BCAS3: variants seen among roughly 807,000 people sequenced by gnomAD.
BCAS3 encodes BCAS3 microtubule associated cell migration factor.
Under a neutral mutation model 116.1 loss-of-function variants are expected in BCAS3, and 53 were observed. The observed-to-expected ratio is 0.46, with a 90% CI of 0.37 to 0.57. The LOEUF is 0.57. Among genes scored for constraint, BCAS3 ranks in the 20% least tolerant of loss-of-function variants. The probability of loss-of-function intolerance (pLI) is 0.00; values close to 1 mark genes in which losing one functional copy is unlikely to be tolerated. For missense variants in BCAS3, 917 were observed against 1,165.4 expected (o/e 0.79, Z 3.10); for synonymous variants, 391 against 408.2 (o/e 0.96, Z 0.51).
chr17:61,382,175 A>C (rs1027536731), intron 23 of BCAS3, among the ~76,000 whole-genome samples: 8 of 151,734 alleles, frequency 5.3e-5, no homozygotes, highest in African/African-American at 2.4e-5. Context: ...TAAAAATACA[A>C]AAATTAGCCA....
intron 7 of BCAS3, among the ~76,000 whole-genome samples, chr17:60,834,911 T>C (rs997510226): frequency 5.9e-5 from 9 of 152,016 alleles, no homozygotes; most frequent in Non-Finnish European, 1.3e-4. Context: ...TATATTCTTT[T>C]AGTTTTCAAA....
At chr17:60,870,797 A>G (rs929978122) in intron 8 of BCAS3, among the ~76,000 whole-genome samples, 7 of 152,216 alleles carry the variant, frequency 4.6e-5, no homozygotes, top group Non-Finnish European at 1.0e-4. Flanking sequence ...ATATTGATAC[A>G]GAAAAAACTC....
chr17:60,970,908 A>T (rs1395979641), intron 14 of BCAS3, among the ~76,000 whole-genome samples: 1 of 152,222 alleles, frequency 6.6e-6, no homozygotes, highest in African/African-American at 2.4e-5. Context: ...CAAACCCAAC[A>T]ACTGCAGAAT....
At chr17:60,744,956 C>G (rs1286286398) in intron 5 of BCAS3, among the ~76,000 whole-genome samples, 2 of 151,976 alleles carry the variant, frequency 1.3e-5, no homozygotes. Context: ...AGAATAAGCT[C>G]TTGTGTATTA....
intron 22 of BCAS3, among the ~76,000 whole-genome samples, chr17:61,291,765 T>G (rs1449175619): frequency 6.6e-6 from 1 of 152,166 alleles, no homozygotes; most frequent in East Asian, 1.9e-4. Flanking sequence ...GAAATGGATT[T>G]GGAGTTCAGG....
At chr17:60,977,514 T>C (rs2062485797) in intron 14 of BCAS3, among the ~76,000 whole-genome samples, 1 of 151,126 alleles carries the variant, frequency 6.6e-6, no homozygotes, top group Non-Finnish European at 1.5e-5. Context: ...TTATTATTAT[T>C]ATTATACTTT....
chr17:61,230,959 CTTTTTTT>C (rs763299746), intron 22 of BCAS3, among the ~76,000 whole-genome samples: 38 of 121,846 alleles, frequency 3.1e-4, no homozygotes, highest in South Asian at 7.9e-4. Flanking sequence ...TAGTTTTTGC[CTTTTTTT>C]TTTTTTTTTT....
rs1433495395 is a variant in BCAS3, at chr17:61,065,972, A to G, written c.2030-8948A>G. ...ATTTCTATTTCTATATATTCAGCCT[A>G]TTATCATATTTTAAGTTTCCAACAA... is the stretch of plus-strand genomic sequence containing the variant. On this transcript the variant is annotated intron_variant, in intron 19 of 23. Coordinates refer to ENST00000407086, the MANE Select transcript of BCAS3 (RefSeq NM_017679.5). This position sits in a 1 kb window ranked among gnomAD's most constrained non-coding sequence, Gnocchi z 4.8. 6.6e-6 allele frequency among the ~76,000 whole-genome samples: 1 copy of G among 152,226 alleles called. No homozygotes were observed. The highest frequency in any genetic ancestry group is 6.5e-5 in the Admixed American group (1 of 15,288).
intron 18 of BCAS3, among the ~76,000 whole-genome samples, chr17:61,038,442 A>G (rs1223151165): frequency 6.6e-6 from 1 of 151,508 alleles, no homozygotes; most frequent in East Asian, 1.9e-4. Flanking sequence ...TTTATTAGAG[A>G]CGGAGTTTCA....
At chr17:60,784,703 CTG>C (rs550306714) in intron 6 of BCAS3, among the ~76,000 whole-genome samples, 87 of 152,168 alleles carry the variant, frequency 5.7e-4, no homozygotes, top group Non-Finnish European at 1.1e-3. Flanking sequence ...TTTCAAGTAA[CTG>C]GGATTACAGA....
Position 60,902,735 on chromosome 17 carries a change from G to C in BCAS3, c.822+32G>C, listed in dbSNP as rs370649392. 3.4e-6 allele frequency: 5 copies of C among 1,450,254 alleles called. No homozygotes were observed. In the African/African-American group the frequency reaches 7.0e-5, roughly 20 times the overall value. 89.8% of individuals were successfully genotyped at this position (1,450,254 alleles called of 1,614,324 possible). A position where few individuals can be genotyped will look rare whatever the true frequency, so the allele number is the denominator to read the frequency against. On this transcript the variant is annotated intron_variant, in intron 11 of 23. Coordinates refer to ENST00000407086, the MANE Select transcript of BCAS3 (RefSeq NM_017679.5). ...ACCTCCGAAATCTTGGAGAGTTGTGGTTATGTGTAGTAATTGTTCAGATTT... is the reference window on the plus strand; with the variant it reads ...ACCTCCGAAATCTTGGAGAGTTGTGCTTATGTGTAGTAATTGTTCAGATTT...
At chr17:60,705,206 G>T (rs192834511) in intron 4 of BCAS3, among the ~76,000 whole-genome samples, 2 of 152,086 alleles carry the variant, frequency 1.3e-5, no homozygotes, top group African/African-American at 2.4e-5. Context: ...CAGGATTTAC[G>T]ATAGATACCA....
At chr17:61,002,738 T>A (rs2064336762) in intron 15 of BCAS3, 1 of 152,084 alleles carries the variant, frequency 6.6e-6, no homozygotes, top group African/African-American at 2.4e-5. Context: ...GTATGTGGGG[T>A]CATTATGCTA....
At chr17:61,277,388 A>G (rs185067589) in intron 22 of BCAS3, among the ~76,000 whole-genome samples, 260 of 152,228 alleles carry the variant, frequency 1.7e-3, no homozygotes, top group Middle Eastern at 0.01. Flanking sequence ...TGAAGCTATA[A>G]AACTCTTAGA....
chr17:61,319,556 A>G lies in BCAS3; in HGVS notation c.2426-48771A>G, dbSNP rs528662093. Among the ~76,000 whole-genome samples the G allele has an allele frequency of 6.4e-4, 97 of 150,796 alleles. 2 individuals are homozygous for G. Among genetic ancestry groups the G allele is most frequent in the Non-Finnish European group, 5.3e-4 (36 of 67,812 alleles). ...TTTTTATACATTTGCTTGATATGCT[A>G]TAGAGGCTTTTTTTTTTTCAATATA... is the stretch of plus-strand genomic sequence containing the variant. On this transcript the variant is annotated intron_variant, in intron 22 of 23. Coordinates refer to ENST00000407086, the MANE Select transcript of BCAS3 (RefSeq NM_017679.5).
Position 60,990,324 on chromosome 17 carries a change from A to G in BCAS3, c.1486+89A>G. On this transcript the variant is annotated intron_variant, in intron 15 of 23. Transcript: ENST00000407086. The surrounding 1 kb of genome is among the most constrained non-coding windows in gnomAD (Gnocchi z 5.1). ...TCTGGGATAAAACTAAACTTGTTAT[A>G]GTCTGTTCATGTAAAAAGAAGATCT... 5 of 1,376,728 alleles carry G rather than the reference A, an allele frequency of 3.6e-6. No individual in the cohort carries two copies. The highest frequency in any genetic ancestry group is 5.0e-6 in the Non-Finnish European group (5 of 1,006,008). The allele number at this position is 1,376,728 out of a possible 1,614,324, so 85.3% of individuals were successfully genotyped here. A position where few individuals can be genotyped will look rare whatever the true frequency, so the allele number is the denominator to read the frequency against.
At chr17:60,708,338 A>G (rs1182658553) in intron 4 of BCAS3, among the ~76,000 whole-genome samples, 1 of 151,524 alleles carries the variant, frequency 6.6e-6, no homozygotes, top group Non-Finnish European at 1.5e-5. Context: ...AAAAAAAAAA[A>G]AAAAAGTTTG....
At chr17:61,039,902 A>G (rs1474486517) in intron 18 of BCAS3, among the ~76,000 whole-genome samples, 1 of 152,224 alleles carries the variant, frequency 6.6e-6, no homozygotes, top group Non-Finnish European at 1.5e-5. Flanking sequence ...ATAGAAACTA[A>G]TATAGATAGA....
rs2060144806 is a variant in BCAS3, at chr17:61,391,791, C to G, written c.2594-186C>G. The stretch of plus-strand genomic sequence containing the variant: ...TCTGCCAGCCAGGGGGCTTTCCCTC[C>G]CCTGGCTGAGCCTTCCTGTGACCTG... On this transcript the variant is annotated intron_variant, in intron 23 of 23. Coordinates refer to ENST00000407086, the MANE Select transcript of BCAS3 (RefSeq NM_017679.5). This position sits in a 1 kb window ranked among gnomAD's most constrained non-coding sequence, Gnocchi z 7.7. The G allele has an allele frequency of 1.5e-6, 1 of 647,272 alleles. No individual in the cohort carries two copies. Among genetic ancestry groups the G allele is most frequent in the African/African-American group, 1.8e-5 (1 of 54,740 alleles). The allele number at this position is 647,272 out of a possible 1,614,324, so 40.1% of individuals were successfully genotyped here.
Sources: gnomAD v4.1 joint callset for allele counts (sites outside exome capture counted in the v4.1 genomes callset) on GRCh38, gnomAD v4.1.1 for gene constraint, Gnocchi (gnomAD v3.1) non-coding constraint, MANE v1.5 for transcripts, NCBI Gene and HGNC (gene_info 2026-07-23, HGNC 2026-07-21) for gene names.